Variants in BMERB1 observed in about 807,000 individuals in gnomAD.
The protein encoded by BMERB1 is bMERB domain containing 1.
A neutral mutation model predicts 23.6 loss-of-function variants in BMERB1; 12 were observed. That is an observed-to-expected ratio of 0.51 (90% CI 0.33 to 0.82). BMERB1 has a LOEUF of 0.82. Ranked by LOEUF, BMERB1 falls within the 40% of genes least tolerant of loss-of-function variation. The pLI is 0.03. For missense variants in BMERB1, 247 were observed against 255.4 expected (o/e 0.97, Z 0.22); for synonymous variants, 122 against 96.6 (o/e 1.26, Z -1.54).
chr16:15,496,792 C>G, intron 1 of BMERB1, among the ~76,000 whole-genome samples: 1 of 152,142 alleles, frequency 6.6e-6, no homozygotes, highest in Non-Finnish European at 1.5e-5. Context: ...CCCGCCTCGG[C>G]CTCCCAAAGT....
chr16:15,488,787 C>T (rs1347277013), intron 1 of BMERB1, among the ~76,000 whole-genome samples: 2 of 143,674 alleles, frequency 1.4e-5, no homozygotes, highest in African/African-American at 5.2e-5. Context: ...CACTGCACTC[C>T]AGCCTGGGCA....
At chr16:15,553,936 G>T (rs1254008963) in intron 2 of BMERB1, among the ~76,000 whole-genome samples, 2 of 152,136 alleles carry the variant, frequency 1.3e-5, no homozygotes, top group African/African-American at 4.8e-5. Context: ...TCTCACTCTA[G>T]AACCTAAGAT....
chr16:15,463,875 T>TAA (rs35187562), intron 1 of BMERB1, among the ~76,000 whole-genome samples: 131 of 143,104 alleles, frequency 9.2e-4, no homozygotes, highest in Admixed American at 2.0e-3. Context: ...GTGTATGCTT[T>TAA]AAAAAAAAAA....
At chr16:15,511,414 T>C (rs1598482902) in intron 1 of BMERB1, among the ~76,000 whole-genome samples, 2 of 152,088 alleles carry the variant, frequency 1.3e-5, no homozygotes, top group East Asian at 3.9e-4. Context: ...ATTGTGAATC[T>C]CTCCAATTTC....
chr16:15,539,568 G>T (rs1018362909), intron 2 of BMERB1, among the ~76,000 whole-genome samples: 3 of 151,988 alleles, frequency 2.0e-5, no homozygotes, highest in Non-Finnish European at 4.4e-5. Context: ...TTTCGGCCAG[G>T]CATGGTAGCT....
chr16:15,502,410 C>T (rs1348876749), intron 1 of BMERB1: 1 of 1,500,066 alleles, frequency 6.7e-7, no homozygotes, highest in Admixed American at 2.0e-5. Flanking sequence ...GTGGCATCCT[C>T]TCCACGAGGC....
At chr16:15,437,396 T>C (rs1017595627) in intron 1 of BMERB1, among the ~76,000 whole-genome samples, 3 of 152,218 alleles carry the variant, frequency 2.0e-5, no homozygotes, top group Non-Finnish European at 4.4e-5. Context: ...ATGATACATA[T>C]AGTACTCAAG....
chr16:15,440,303 C>CT (rs1226261957), intron 1 of BMERB1, among the ~76,000 whole-genome samples: 1 of 147,210 alleles, frequency 6.8e-6, no homozygotes, highest in Non-Finnish European at 1.5e-5. Context: ...AATAAATGCT[C>CT]TATGAGTAGG....
At chr16:15,492,724 G>A (rs556703382) in intron 1 of BMERB1, among the ~76,000 whole-genome samples, 10 of 151,946 alleles carry the variant, frequency 6.6e-5, no homozygotes, top group Non-Finnish European at 1.5e-4. Flanking sequence ...TTTGAGACCA[G>A]CTTCACCAAC....
At chr16:15,442,888 T>C (rs138552472) in intron 1 of BMERB1, among the ~76,000 whole-genome samples, 13 of 152,248 alleles carry the variant, frequency 8.5e-5, no homozygotes, top group Admixed American at 2.6e-4. Context: ...AGAGATGGAA[T>C]AAGACAGAAT....
At chr16:15,483,247 A>G (rs983607162) in intron 1 of BMERB1, among the ~76,000 whole-genome samples, 2 of 152,222 alleles carry the variant, frequency 1.3e-5, no homozygotes, top group African/African-American at 2.4e-5. Flanking sequence ...TTAGTGGGCT[A>G]AACTCCGATT....
At chr16:15,582,545 CT>C (rs1345052240) in intron 4 of BMERB1, among the ~76,000 whole-genome samples, 2 of 152,144 alleles carry the variant, frequency 1.3e-5, no homozygotes, top group South Asian at 2.1e-4. Context: ...TGAGACCCCC[CT>C]ATCTCTACAA....
intron 1 of BMERB1, among the ~76,000 whole-genome samples, chr16:15,444,165 C>G (rs2050970353): frequency 2.0e-5 from 1 of 51,084 alleles, no homozygotes; most frequent in Non-Finnish European, 3.8e-5. Flanking sequence ...GTTTCTTTCC[C>G]CTTGGCTTAA....
At position 15,535,648 on chromosome 16, in the gene BMERB1, C is replaced by CAAAAAA. The variant is rs34379447; in HGVS notation, c.230+20230_230+20235dup. ...CTGGCGACAGAGCAAGACTCCATCT[C>CAAAAAA]AAAAAAAAAAAAAAAGGAAAGAAAA... On this transcript the variant is annotated intron_variant, in intron 2 of 5. Coordinates refer to ENST00000300006, the MANE Select transcript of BMERB1 (RefSeq NM_033201.3). Among the ~76,000 whole-genome samples, 208 of 100,666 alleles carry CAAAAAA rather than the reference C, an allele frequency of 2.1e-3. 2 individuals are homozygous for CAAAAAA. The highest frequency in any genetic ancestry group is 8.2e-3 in the African/African-American group (205 of 24,878). The allele number at this position is 100,666 out of a possible 152,430, so 66.0% of individuals were successfully genotyped here. A position where few individuals can be genotyped will look rare whatever the true frequency, so the allele number is the denominator to read the frequency against.
chr16:15,482,762 T>C (rs79487256), intron 1 of BMERB1, among the ~76,000 whole-genome samples: 2,189 of 152,318 alleles, frequency 0.014, 57 homozygotes, highest in African/African-American at 0.051. Context: ...GCCTGTGTTC[T>C]TAGTTATAAA....
At chr16:15,462,034 A>G (rs2051139721) in intron 1 of BMERB1, among the ~76,000 whole-genome samples, 1 of 150,454 alleles carries the variant, frequency 6.6e-6, no homozygotes, top group South Asian at 2.1e-4. Context: ...AACAACATAT[A>G]TGATTTTGCA....
At chr16:15,515,574 A>C in intron 2 of BMERB1, 146 bp downstream of exon 2, 1 of 1,201,336 alleles carries the variant, frequency 8.3e-7, no homozygotes, top group Non-Finnish European at 1.1e-6. Flanking sequence ...TCTCACCACC[A>C]CCCAGGGAAG....
rs2031197404 is a variant in BMERB1 at position 15,588,051 on chromosome 16, A to C, written c.*1222A>C. The C allele has an allele frequency of 9.9e-6, 1 of 100,808 alleles. No individual in the cohort carries two copies. The highest frequency in any genetic ancestry group is 1.0e-4 in the Admixed American group (1 of 9,702). The allele number at this position is 100,808 out of a possible 1,614,324, so 6.2% of individuals were successfully genotyped here. On this transcript the variant is annotated 3_prime_UTR_variant, in exon 6 of 6. Coordinates refer to ENST00000300006, the MANE Select transcript of BMERB1 (RefSeq NM_033201.3). ...TTTAAAAGTACAAAAAGTATGAAGA[A>C]GTTTGTCTTAAAAAAAAAAAAAATT...
rs113987387 is a variant in BMERB1, at chr16:15,525,870, G to A, written c.230+10442G>A. Among the ~76,000 whole-genome samples, 1,015 of 152,238 alleles carry A rather than the reference G, an allele frequency of 6.7e-3. 6 individuals are homozygous for A. Among genetic ancestry groups the A allele is most frequent in the Non-Finnish European group, 9.4e-3 (637 of 68,016 alleles). ...TATCAGGTTAGCAAAGACCTAGCAA[G>A]TTGGATAAAATGAAAATATAGGGAA... is the stretch of plus-strand genomic sequence containing the variant. On this transcript the variant is annotated intron_variant, in intron 2 of 5. Transcript: ENST00000300006.
Sources: allele counts gnomAD v4.1 joint callset (sites outside exome capture counted in the v4.1 genomes callset), GRCh38; gene constraint gnomAD v4.1.1; transcripts MANE v1.5; gene names NCBI Gene and HGNC (gene_info 2026-07-23, HGNC 2026-07-21).